Variants in DLGAP1 observed in about 807,000 individuals in gnomAD.
The protein encoded by DLGAP1 is DLG associated protein 1.
In DLGAP1, 11 loss-of-function variants were observed where a neutral mutation model predicts 90.8. The observed-to-expected ratio is 0.12, with a 90% CI of 0.08 to 0.20. The LOEUF is 0.20. Among genes scored for constraint, DLGAP1 ranks in the 10% least tolerant of loss-of-function variants. The probability of loss-of-function intolerance (pLI) is 1.00; values close to 1 mark genes in which losing one functional copy is unlikely to be tolerated. For missense variants in DLGAP1, 1,050 were observed against 1,333.8 expected, an observed-to-expected ratio of 0.79 and a Z score of 3.31; for synonymous variants, 558 against 540.7, an observed-to-expected ratio of 1.03 and a Z score of -0.44.
intron 5 of DLGAP1, among the ~76,000 whole-genome samples, chr18:3,765,382 G>A (rs1442839185): frequency 1.7e-4 from 26 of 150,970 alleles, no homozygotes; most frequent in East Asian, 1.2e-3. Flanking sequence ...TGCCCACCTT[G>A]GCCTCCCAAA....
chr18:4,059,727 A>G (rs1274805879), intron 2 of DLGAP1, among the ~76,000 whole-genome samples: 1 of 151,904 alleles, frequency 6.6e-6, no homozygotes, highest in African/African-American at 2.4e-5. Context: ...TAAATAAATA[A>G]ATAAATAAAT....
intron 1 of DLGAP1, among the ~76,000 whole-genome samples, chr18:4,182,379 C>T (rs909781525): frequency 1.2e-4 from 19 of 152,264 alleles, no homozygotes; most frequent in African/African-American, 3.1e-4. Flanking sequence ...CCTTACGGGC[C>T]GGAAGATGGC....
intron 7 of DLGAP1, among the ~76,000 whole-genome samples, chr18:3,678,704 CTTAA>C (rs946970433): frequency 6.6e-6 from 1 of 152,188 alleles, no homozygotes; most frequent in African/African-American, 2.4e-5. Flanking sequence ...TACCACACAA[CTTAA>C]TTCTCAAATT....
At position 3,737,859 on chromosome 18, in the gene DLGAP1, G is replaced by A. The variant is rs1393441710; in HGVS notation, c.1350+4476C>T. 5.3e-5 allele frequency among the ~76,000 whole-genome samples: 8 copies of A among 150,012 alleles called. No individual in the cohort carries two copies. The Admixed American group carries it at 5.3e-4, about 10-fold the overall frequency. On this transcript the variant is annotated intron_variant, in intron 6 of 12. Transcript: ENST00000315677. ...GTCCCTCTTTGCAGACGACATGATT[G>A]TATATCTAGAAAACCCCATTGTCTC...
chr18:4,422,344 T>C (rs1175971837), intron 1 of DLGAP1, among the ~76,000 whole-genome samples: 1 of 151,986 alleles, frequency 6.6e-6, no homozygotes, highest in African/African-American at 2.4e-5. Context: ...GTTTATAAAA[T>C]GGTATGTGTA....
intron 6 of DLGAP1, among the ~76,000 whole-genome samples, chr18:3,739,638 A>AG (rs1207793298): frequency 3.7e-5 from 3 of 81,734 alleles, no homozygotes; most frequent in Non-Finnish European, 7.0e-5. Flanking sequence ...GGGTCGGGGG[A>AG]GGGGGGAGGG....
At chr18:3,685,336 T>C (rs926746290) in intron 7 of DLGAP1, among the ~76,000 whole-genome samples, 2 of 151,330 alleles carry the variant, frequency 1.3e-5, no homozygotes, top group African/African-American at 4.9e-5. Context: ...CCAAGGCGGG[T>C]GGACCACTTG....
intron 1 of DLGAP1, among the ~76,000 whole-genome samples, chr18:4,340,559 T>G (rs1201881890): frequency 6.6e-6 from 1 of 151,874 alleles, no homozygotes; most frequent in Non-Finnish European, 1.5e-5. Flanking sequence ...CAAAAACATT[T>G]CCACAAACAC....
Position 3,499,473 on chromosome 18 carries a change from A to G in DLGAP1, c.2725-79T>C. The stretch of plus-strand genomic sequence containing the variant: ...GAAAAACTGGGATAGGTCAGTAGTT[A>G]GAACACACAGTTTTTTACCTAGGGG... On this transcript the variant is annotated intron_variant, in intron 12 of 12. Coordinates refer to ENST00000315677, the MANE Select transcript of DLGAP1 (RefSeq NM_004746.4). This position sits in a 1 kb window ranked among gnomAD's most constrained non-coding sequence, Gnocchi z 6.4. The G allele has an allele frequency of 2.8e-6, 4 of 1,450,176 alleles. No individual in the cohort carries two copies. Among genetic ancestry groups the G allele is most frequent in the Non-Finnish European group, 3.7e-6 (4 of 1,070,450 alleles). The allele number at this position is 1,450,176 out of a possible 1,614,324, so 89.8% of individuals were successfully genotyped here.
At chr18:3,628,166 G>A (rs1231005047) in intron 7 of DLGAP1, among the ~76,000 whole-genome samples, 2 of 149,420 alleles carry the variant, frequency 1.3e-5, no homozygotes, top group Non-Finnish European at 3.0e-5. Flanking sequence ...GTGAGCCACT[G>A]CGCCTGGCCT....
intron 11 of DLGAP1, among the ~76,000 whole-genome samples, chr18:3,505,550 A>G (rs2050167009): frequency 6.8e-6 from 1 of 148,144 alleles, no homozygotes; most frequent in Admixed American, 6.9e-5. Context: ...AGGCAGGAGA[A>G]TTGCTTGAAC....
rs2065332080 is a variant in DLGAP1 at position 3,784,110 on chromosome 18, A to G, written c.1172+29949T>C. 3.3e-5 allele frequency among the ~76,000 whole-genome samples: 5 copies of G among 152,318 alleles called. No individual in the cohort carries two copies. In the South Asian group the frequency reaches 1.0e-3, roughly 32 times the overall value. On this transcript the variant is annotated intron_variant, in intron 5 of 12. Transcript: ENST00000315677. ...TTGTCTACAATGGAAGTCATTGCACAGACTAGAGTGTAAAGAAACAAATTG... is the reference window on the plus strand; with the variant it reads ...TTGTCTACAATGGAAGTCATTGCACGGACTAGAGTGTAAAGAAACAAATTG...
chr18:3,560,235 AC>A (rs2053997880), intron 9 of DLGAP1, among the ~76,000 whole-genome samples: 1 of 151,786 alleles, frequency 6.6e-6, no homozygotes, highest in Non-Finnish European at 1.5e-5. Context: ...CCTGGCCAGC[AC>A]AGTGAAACCC....
Position 4,193,951 on chromosome 18 carries a change from T to A in DLGAP1, c.-266-42664A>T, listed in dbSNP as rs572737959. Among the ~76,000 whole-genome samples the A allele has an allele frequency of 2.6e-3, 403 of 152,326 alleles. 3 individuals carry two copies. Among genetic ancestry groups the A allele is most frequent in the African/African-American group, 8.5e-3 (352 of 41,584 alleles). Reference sequence around the variant, plus strand: ...TGAAGAAATTAATTTTCAGATTTTTTAAAAAGATTTTTGCTGGCCCCTATT... The same window carrying A: ...TGAAGAAATTAATTTTCAGATTTTTAAAAAAGATTTTTGCTGGCCCCTATT... On this transcript the variant is annotated intron_variant, in intron 1 of 12. Transcript: ENST00000315677.
At chr18:4,121,222 A>C (rs1201347757) in intron 2 of DLGAP1, among the ~76,000 whole-genome samples, 1 of 152,120 alleles carries the variant, frequency 6.6e-6, no homozygotes, top group Non-Finnish European at 1.5e-5. Context: ...CAGACAGAGG[A>C]AACAGCAAGA....
chr18:3,581,762 G>A lies in DLGAP1; in HGVS notation c.1965+113C>T, dbSNP rs112497930. 1,079 of 1,380,276 alleles carry A rather than the reference G, an allele frequency of 7.8e-4. 10 individuals are homozygous for A. The African/African-American group carries it at 0.014, about 18-fold the overall frequency. The allele number at this position is 1,380,276 out of a possible 1,614,324, so 85.5% of individuals were successfully genotyped here. ...CAATCACTTGAAAATCTGGTCCTAT[G>A]CATAGATCTATGATTCCAAGCGGCA... is the stretch of plus-strand genomic sequence containing the variant. On this transcript the variant is annotated intron_variant, in intron 8 of 12. Transcript: ENST00000315677.
At chr18:3,826,656 T>C (rs1292628922) in intron 4 of DLGAP1, among the ~76,000 whole-genome samples, 1 of 151,930 alleles carries the variant, frequency 6.6e-6, no homozygotes, top group African/African-American at 2.4e-5. Context: ...TTGGGGAGTG[T>C]GGGGGTCCAT....
chr18:3,820,286 G>A (rs1038763230), intron 4 of DLGAP1, among the ~76,000 whole-genome samples: 1 of 152,142 alleles, frequency 6.6e-6, no homozygotes, highest in Non-Finnish European at 1.5e-5. Context: ...ATATACAAGG[G>A]CAGGCCTGTG....
intron 1 of DLGAP1, among the ~76,000 whole-genome samples, chr18:4,202,317 A>G (rs1047267819): frequency 2.0e-5 from 3 of 152,148 alleles, no homozygotes; most frequent in Non-Finnish European, 4.4e-5. Context: ...TACAAAGAGG[A>G]ATACATAGTG....
Sources: allele counts gnomAD v4.1 joint callset (sites outside exome capture counted in the v4.1 genomes callset), GRCh38; gene constraint gnomAD v4.1.1; non-coding constraint Gnocchi (gnomAD v3.1); transcripts MANE v1.5; gene names NCBI Gene and HGNC (gene_info 2026-07-23, HGNC 2026-07-21).